PLEKHH2: variants seen among roughly 807,000 people sequenced by gnomAD.
The protein encoded by PLEKHH2 is pleckstrin homology, MyTH4 and FERM domain containing H2.
Under a neutral mutation model 187.9 loss-of-function variants are expected in PLEKHH2, and 129 were observed. That is an observed-to-expected ratio of 0.69 (90% CI 0.59 to 0.79). The LOEUF (loss-of-function observed/expected upper bound fraction) is 0.79. PLEKHH2 is among the 30% of genes least tolerant of loss of function. The pLI is 0.00. For missense variants in PLEKHH2, 2,076 were observed against 1,751.2 expected (o/e 1.19, Z -3.31); for synonymous variants, 686 against 605.6 (o/e 1.13, Z -1.95).
rs1672644929 is a variant in PLEKHH2, at chr2:43,766,943, A to G, written c.*1345A>G. The stretch of plus-strand genomic sequence containing the variant: ...AAAAGAGAAAATAATTCTTCTGTCA[A>G]AGGAGGTTAAATTTTAGTTGATAGA... On this transcript the variant is annotated 3_prime_UTR_variant, in exon 30 of 30. Transcript: ENST00000282406. The G allele has an allele frequency of 6.5e-6, 1 of 152,788 alleles. No homozygotes were observed. The highest frequency in any genetic ancestry group is 6.5e-5 in the Admixed American group (1 of 15,284). The allele number at this position is 152,788 out of a possible 1,614,324, so 9.5% of individuals were successfully genotyped here. A position where few individuals can be genotyped will look rare whatever the true frequency, so the allele number is the denominator to read the frequency against.
At chr2:43,709,154 C>T (rs1440107722) in intron 11 of PLEKHH2, among the ~76,000 whole-genome samples, 3 of 152,158 alleles carry the variant, frequency 2.0e-5, no homozygotes, top group Non-Finnish European at 4.4e-5. Context: ...TATGTTATAG[C>T]TGCTGGCAAG....
At chr2:43,689,631 T>G (rs1021648333) in intron 3 of PLEKHH2, among the ~76,000 whole-genome samples, 6 of 152,238 alleles carry the variant, frequency 3.9e-5, no homozygotes, top group South Asian at 4.1e-4. Context: ...GAACTTGGTC[T>G]TAATAGGATC....
At chr2:43,744,073 G>GT in intron 23 of PLEKHH2, 84 bp downstream of exon 23, 1 of 1,499,534 alleles carries the variant, frequency 6.7e-7, no homozygotes, top group Middle Eastern at 1.8e-4. Flanking sequence ...TTTGCAAGAA[G>GT]TTTAATTCAG....
At chr2:43,756,774 C>T (rs1000035200) in intron 25 of PLEKHH2, among the ~76,000 whole-genome samples, 1 of 152,024 alleles carries the variant, frequency 6.6e-6, no homozygotes, top group African/African-American at 2.4e-5. Context: ...ATGGTGAAAC[C>T]CCCGTCTCTA....
intron 23 of PLEKHH2, chr2:43,744,209 A>G: frequency 9.7e-7 from 1 of 1,030,580 alleles, no homozygotes; most frequent in Non-Finnish European, 1.3e-6. Flanking sequence ...TAAAGAGAGG[A>G]AAGGTGTTAG....
chr2:43,677,826 G>A (rs1320711893), intron 2 of PLEKHH2, among the ~76,000 whole-genome samples: 2 of 148,620 alleles, frequency 1.3e-5, no homozygotes, highest in Non-Finnish European at 3.0e-5. Context: ...CTGGGCGGGG[G>A]GCTGACCCCC....
chr2:43,736,383 C>T (rs909263856), intron 19 of PLEKHH2, among the ~76,000 whole-genome samples: 2 of 152,084 alleles, frequency 1.3e-5, no homozygotes, highest in Non-Finnish European at 2.9e-5. Context: ...ACAGATTCTT[C>T]GGAAAAAACT....
At chr2:43,654,487 G>A (rs951755439) in intron 2 of PLEKHH2, among the ~76,000 whole-genome samples, 5 of 151,570 alleles carry the variant, frequency 3.3e-5, no homozygotes, top group East Asian at 2.0e-4. Context: ...GAGCCACTGC[G>A]CCCGGCCAGG....
chr2:43,680,993 A>G (rs75877289), intron 3 of PLEKHH2: 27,548 of 1,219,842 alleles, frequency 0.023, 401 homozygotes, highest in South Asian at 0.053. Context: ...TGTTGTTCAT[A>G]TGCCAACTGG....
chr2:43,673,753 A>G (rs1049537880), intron 2 of PLEKHH2, among the ~76,000 whole-genome samples: 4 of 152,202 alleles, frequency 2.6e-5, no homozygotes, highest in African/African-American at 9.7e-5. Flanking sequence ...GACTCAGATA[A>G]GTTAAATAAT....
chr2:43,677,826 G>C (rs1320711893), intron 2 of PLEKHH2, among the ~76,000 whole-genome samples: 5 of 148,620 alleles, frequency 3.4e-5, no homozygotes, highest in African/African-American at 1.2e-4. Context: ...CTGGGCGGGG[G>C]GCTGACCCCC....
intron 15 of PLEKHH2, among the ~76,000 whole-genome samples, chr2:43,716,900 T>C (rs1670238183): frequency 6.6e-6 from 1 of 152,226 alleles, no homozygotes; most frequent in South Asian, 2.1e-4. Context: ...ATCTGTCTCT[T>C]GTCACATTCT....
chr2:43,751,853 T>C (rs1007382595), intron 24 of PLEKHH2, among the ~76,000 whole-genome samples: 2 of 152,102 alleles, frequency 1.3e-5, no homozygotes, highest in Admixed American at 1.3e-4. Context: ...CCTGGATAGC[T>C]ATTGGAGCCA....
intron 21 of PLEKHH2, among the ~76,000 whole-genome samples, chr2:43,741,589 G>A (rs1671563219): frequency 6.6e-6 from 1 of 152,202 alleles, no homozygotes; most frequent in Non-Finnish European, 1.5e-5. Flanking sequence ...CAAGAGGTTT[G>A]TGTCAGGTTG....
chr2:43,742,677 G>A, intron 21 of PLEKHH2, 64 bp from the exon 22 acceptor site: 1 of 1,241,104 alleles, frequency 8.1e-7, no homozygotes, highest in Non-Finnish European at 1.1e-6. Context: ...TTTCTTAATG[G>A]TTGCACATAT....
At chr2:43,678,737 AGTGGAGGTGGAGGTGGAGGTGGAG>A in intron 2 of PLEKHH2, 102 bp from the exon 3 acceptor site, 1 of 412,116 alleles carries the variant, frequency 2.4e-6, no homozygotes, top group East Asian at 2.9e-5. Context: ...TAGAGGTGGA[AGTGGAGGTGGAGGTGGAGGTGGAG>A]GTGGAGGTGG....
At chr2:43,708,263 G>A (rs1669764305) in intron 11 of PLEKHH2, among the ~76,000 whole-genome samples, 1 of 152,180 alleles carries the variant, frequency 6.6e-6, no homozygotes, top group Non-Finnish European at 1.5e-5. Context: ...AAACACTGCA[G>A]TGGCTCCTCA....
chr2:43,678,334 G>T lies in PLEKHH2; in HGVS notation c.124-529G>T, dbSNP rs1040768798. 2.0e-5 allele frequency among the ~76,000 whole-genome samples: 3 copies of T among 152,224 alleles called. No individual in the cohort carries two copies. The South Asian group carries it at 6.2e-4, about 32-fold the overall frequency. On this transcript the variant is annotated intron_variant, in intron 2 of 29. Transcript: ENST00000282406. ...GCGGCCGGGCAGAGGCTGCAATCTCGGCACTTTGGGCGGCCAAGGCAGGCG... is the reference window on the plus strand; with the variant it reads ...GCGGCCGGGCAGAGGCTGCAATCTCTGCACTTTGGGCGGCCAAGGCAGGCG...
intron 27 of PLEKHH2, among the ~76,000 whole-genome samples, chr2:43,759,612 T>C (rs1179483207): frequency 6.6e-6 from 1 of 152,260 alleles, no homozygotes; most frequent in Non-Finnish European, 1.5e-5. Context: ...CTTTTCTTTC[T>C]GTTGAAACAT....
Sources: gnomAD v4.1 joint callset for allele counts (sites outside exome capture counted in the v4.1 genomes callset) on GRCh38, gnomAD v4.1.1 for gene constraint, MANE v1.5 for transcripts, NCBI Gene and HGNC (gene_info 2026-07-23, HGNC 2026-07-21) for gene names.